Variants in ARB2A observed in about 807,000 individuals in gnomAD.
ARB2A encodes ARB2 cotranscriptional regulator A.
the ARB2A span, chr5:93,741,172 T>C: frequency 1.2e-6 from 2 of 1,613,864 alleles, no homozygotes; most frequent in Non-Finnish European, 1.7e-6. Flanking sequence ...CCTCAACTCC[T>C]TGGCCAATTG....
At chr5:93,621,653 A>G in the ARB2A span, among the ~76,000 whole-genome samples, 3 of 152,138 alleles carry the variant, frequency 2.0e-5, no homozygotes, top group East Asian at 1.9e-4. Context: ...CTTGCTTCCC[A>G]AGGGGGTGGT....
the ARB2A span, among the ~76,000 whole-genome samples, chr5:94,057,503 C>G: frequency 6.6e-6 from 1 of 152,240 alleles, no homozygotes; most frequent in Middle Eastern, 3.4e-3. Context: ...CTTTATGCTA[C>G]TGAACCCTAT....
the ARB2A span, among the ~76,000 whole-genome samples, chr5:93,670,089 C>G: frequency 6.6e-6 from 1 of 152,044 alleles, no homozygotes; most frequent in African/African-American, 2.4e-5. Flanking sequence ...TCCTTCCTAT[C>G]CCCTCACTTC....
chr5:93,947,818 C>T, the ARB2A span, among the ~76,000 whole-genome samples: 2 of 151,292 alleles, frequency 1.3e-5, no homozygotes, highest in Non-Finnish European at 3.0e-5. Flanking sequence ...TTTCCAATTT[C>T]ATCCACGTCC....
the ARB2A span, among the ~76,000 whole-genome samples, chr5:93,880,405 A>G: frequency 1.3e-5 from 2 of 151,750 alleles, no homozygotes; most frequent in Non-Finnish European, 3.0e-5. Context: ...AAAGCAATAT[A>G]TTTCCCCTAA....
At chr5:93,974,328 C>T in the ARB2A span, among the ~76,000 whole-genome samples, 1 of 151,964 alleles carries the variant, frequency 6.6e-6, no homozygotes, top group African/African-American at 2.4e-5. Flanking sequence ...GTTGTTATTC[C>T]TATATCAGAT....
chr5:93,973,639 A>C, the ARB2A span, among the ~76,000 whole-genome samples: 1 of 150,206 alleles, frequency 6.7e-6, no homozygotes, highest in Non-Finnish European at 1.5e-5. Flanking sequence ...GATCAATGCA[A>C]AAATTCTTAA....
the ARB2A span, among the ~76,000 whole-genome samples, chr5:93,855,168 A>G: frequency 5.9e-5 from 9 of 152,126 alleles, no homozygotes; most frequent in Non-Finnish European, 8.8e-5. Context: ...TATATTTAGG[A>G]TAGTTAGCTC....
At chr5:94,028,624 AT>A in the ARB2A span, among the ~76,000 whole-genome samples, 2 of 152,206 alleles carry the variant, frequency 1.3e-5, no homozygotes, top group Non-Finnish European at 2.9e-5. Flanking sequence ...TTCTCTTAAT[AT>A]TTAATTTTGA....
chr5:93,730,019 T>C, the ARB2A span, among the ~76,000 whole-genome samples: 4 of 152,172 alleles, frequency 2.6e-5, no homozygotes, highest in Admixed American at 6.6e-5. Context: ...TCACATGGTG[T>C]ATATATGTGC....
At chr5:93,666,067 A>G in the ARB2A span, among the ~76,000 whole-genome samples, 1 of 152,176 alleles carries the variant, frequency 6.6e-6, no homozygotes, top group African/African-American at 2.4e-5. Context: ...GACTAGATGA[A>G]TATTTAGTTT....
At chr5:94,086,505 G>A in the ARB2A span, among the ~76,000 whole-genome samples, 18 of 151,894 alleles carry the variant, frequency 1.2e-4, no homozygotes, top group Non-Finnish European at 1.9e-4. Context: ...AATACATATA[G>A]TACGTAAATA....
At chr5:93,781,387 A>G in the ARB2A span, among the ~76,000 whole-genome samples, 1 of 152,146 alleles carries the variant, frequency 6.6e-6, no homozygotes, top group African/African-American at 2.4e-5. Context: ...ATATATATCT[A>G]TATACATATA....
At chr5:94,008,663 T>C in the ARB2A span, among the ~76,000 whole-genome samples, 38 of 152,166 alleles carry the variant, frequency 2.5e-4, 1 homozygote, top group African/African-American at 8.9e-4. Context: ...TAATAATAAT[T>C]AGAAATTTTA....
the ARB2A span, among the ~76,000 whole-genome samples, chr5:93,769,821 G>A: frequency 6.6e-6 from 1 of 152,156 alleles, no homozygotes; most frequent in African/African-American, 2.4e-5. Context: ...ATGGATATGT[G>A]CTGGGGAATG....
chr5:93,975,804 G>A, the ARB2A span, among the ~76,000 whole-genome samples: 1 of 151,824 alleles, frequency 6.6e-6, no homozygotes, highest in African/African-American at 2.4e-5. Context: ...ACCAAAAAAA[G>A]CCCTGGAACA....
the ARB2A span, among the ~76,000 whole-genome samples, chr5:93,685,275 T>G: frequency 6.6e-6 from 1 of 152,220 alleles, no homozygotes; most frequent in Non-Finnish European, 1.5e-5. Context: ...TTTTTTTAAA[T>G]TTATAAAATC....
chr5:93,623,291 G>A, the ARB2A span, among the ~76,000 whole-genome samples: 1 of 148,438 alleles, frequency 6.7e-6, no homozygotes, highest in African/African-American at 2.5e-5. Flanking sequence ...GTCTCTTTTC[G>A]TAACCATTTC....
At chr5:93,701,114 A>G in the ARB2A span, among the ~76,000 whole-genome samples, 2 of 152,174 alleles carry the variant, frequency 1.3e-5, no homozygotes, top group Non-Finnish European at 2.9e-5. Flanking sequence ...AACAATTGTA[A>G]TTTTGCTCTG....
Sources: allele counts gnomAD v4.1 joint callset (sites outside exome capture counted in the v4.1 genomes callset), GRCh38; gene constraint gnomAD v4.1.1; transcripts MANE v1.5; gene names NCBI Gene and HGNC (gene_info 2026-07-23, HGNC 2026-07-21).